NAPEPLD: variants seen among roughly 807,000 people sequenced by gnomAD.
NAPEPLD encodes the protein N-acyl-phosphatidylethanolamine-hydrolyzing phospholipase D.
In NAPEPLD, 23 loss-of-function variants were observed where a neutral mutation model predicts 38.1. That is an observed-to-expected ratio of 0.60 (90% CI 0.43 to 0.86). The LOEUF is 0.86. Among genes scored for constraint, NAPEPLD ranks in the 40% least tolerant of loss-of-function variants. NAPEPLD has a pLI of 0.00. For missense variants in NAPEPLD, 411 were observed against 476.8 expected (o/e 0.86, Z 1.28); for synonymous variants, 147 against 162.0 (o/e 0.91, Z 0.71).
intron 4 of NAPEPLD, among the ~76,000 whole-genome samples, chr7:103,114,456 C>T (rs967604065): frequency 5.3e-5 from 8 of 152,186 alleles, no homozygotes; most frequent in Non-Finnish European, 1.2e-4. Flanking sequence ...CCTTACTTCT[C>T]CCTATTGCCC....
In NAPEPLD at chr7:103,102,882, C is replaced by T. The variant is rs1192978393; in HGVS notation, c.*547G>A. On this transcript the variant is annotated 3_prime_UTR_variant, in exon 5 of 5. Transcript: ENST00000465647. ...TGTTTTTATGCTTACCTAAATAAAC[C>T]ATATTTAATATTTGGCATATAAGCT... is the stretch of plus-strand genomic sequence containing the variant. The T allele has an allele frequency of 6.6e-6, 1 of 152,386 alleles. No individual in the cohort carries two copies. The highest frequency in any genetic ancestry group is 1.5e-5 in the Non-Finnish European group (1 of 67,978). 9.4% of individuals were successfully genotyped at this position (152,386 alleles called of 1,614,324 possible). A position where few individuals can be genotyped will look rare whatever the true frequency, so the allele number is the denominator to read the frequency against.
intron 1 of NAPEPLD, among the ~76,000 whole-genome samples, chr7:103,135,846 G>C (rs1809931317): frequency 6.6e-6 from 1 of 152,158 alleles, no homozygotes; most frequent in Admixed American, 6.5e-5. Context: ...ATTAACTAGA[G>C]ATGTTAGCTT....
At chr7:103,116,437 A>T (rs1308806999) in intron 3 of NAPEPLD, among the ~76,000 whole-genome samples, 2 of 152,214 alleles carry the variant, frequency 1.3e-5, no homozygotes, top group Non-Finnish European at 2.9e-5. Flanking sequence ...TAGATATTTT[A>T]CAGTCCTGGA....
chr7:103,134,363 G>A (rs1272436803), intron 1 of NAPEPLD, among the ~76,000 whole-genome samples: 1 of 152,132 alleles, frequency 6.6e-6, no homozygotes, highest in Non-Finnish European at 1.5e-5. Context: ...AAATACAAAT[G>A]TTCTAGCCAG....
At chr7:103,129,028 G>T (rs1161532532) in intron 1 of NAPEPLD, among the ~76,000 whole-genome samples, 1 of 152,168 alleles carries the variant, frequency 6.6e-6, no homozygotes, top group Non-Finnish European at 1.5e-5. Context: ...CACTTTGGAA[G>T]GCCGAGGCAG....
At chr7:103,141,590 C>A in intron 1 of NAPEPLD, 1 of 976,856 alleles carries the variant, frequency 1.0e-6, no homozygotes, top group Non-Finnish European at 1.7e-6. Flanking sequence ...ATACATGCGG[C>A]GATCAATCTT....
chr7:103,141,237 GTTGTTTTT>G (rs1390817703), intron 1 of NAPEPLD: 410 of 78,730 alleles, frequency 5.2e-3, no homozygotes, highest in South Asian at 0.02. Flanking sequence ...TACCTGTGGA[GTTGTTTTT>G]TTTTTTTTTT....
chr7:103,108,082 T>C (rs953460194), intron 4 of NAPEPLD, among the ~76,000 whole-genome samples: 1 of 150,868 alleles, frequency 6.6e-6, no homozygotes, highest in East Asian at 1.9e-4. Context: ...ACCAGATCTC[T>C]CAGCAGAAAC....
At chr7:103,106,741 C>A (rs1321956924) in intron 4 of NAPEPLD, among the ~76,000 whole-genome samples, 2 of 135,158 alleles carry the variant, frequency 1.5e-5, no homozygotes, top group South Asian at 2.5e-4. Context: ...AAAAAAAAGG[C>A]AGCACCCCAG....
Position 103,128,525 on chromosome 7 carries a change from C to G in NAPEPLD, c.252G>C (p.Leu84=), listed in dbSNP as rs770951366. 9 of 1,614,122 alleles carry G rather than the reference C, an allele frequency of 5.6e-6. No homozygotes were observed. In the African/African-American group the frequency reaches 1.1e-4, roughly 19 times the overall value. ...NPSIPNVLRW[L]IMEKDHSSVP... ...CACTGCTGTGATCTTTCTCCATTAT[C>G]AGCCATCTGAGAACATTTGGAATAG... Residue 84 remains leucine, a synonymous_variant, in exon 2 of 5, where the codon CTG becomes CTC. Coordinates refer to ENST00000465647, the MANE Select transcript of NAPEPLD (RefSeq NM_001122838.3).
In NAPEPLD at chr7:103,115,074, C is replaced by T; in HGVS notation, c.1042G>A (p.Ala348Thr). 1 of 1,613,186 alleles carries T rather than the reference C, an allele frequency of 6.2e-7. No individual in the cohort carries two copies. The highest frequency in any genetic ancestry group is 8.5e-7 in the Non-Finnish European group (1 of 1,179,666). Reference sequence around the variant, plus strand: ...ATCAAACTTACCTCATTTGCTAAGGCAAAAGTTCCCCAGTGAATTGCCATA... The same window carrying T: ...ATCAAACTTACCTCATTTGCTAAGGTAAAAGTTCCCCAGTGAATTGCCATA... ...KSMAIHWGTFALANEHYLEPP... is the reference protein window; with the variant it reads ...KSMAIHWGTFTLANEHYLEPP... Residue 348 changes from alanine (A) to threonine (T), a missense_variant, in exon 4 of 5, where the codon GCC becomes ACC. Physicochemically the swap from Ala to Thr is moderately conservative, Grantham distance 58. Coordinates refer to ENST00000465647, the MANE Select transcript of NAPEPLD (RefSeq NM_001122838.3).
intron 2 of NAPEPLD, among the ~76,000 whole-genome samples, chr7:103,126,092 A>G (rs1320831752): frequency 6.6e-6 from 1 of 151,992 alleles, no homozygotes; most frequent in African/African-American, 2.4e-5. Context: ...AGAGCCCGGG[A>G]GTTTGAGGCT....
intron 4 of NAPEPLD, among the ~76,000 whole-genome samples, chr7:103,109,443 A>T (rs569729324): frequency 2.6e-5 from 4 of 152,266 alleles, no homozygotes; most frequent in African/African-American, 9.6e-5. Flanking sequence ...ACTCAAAACC[A>T]CACAACTGCA....
chr7:103,108,713 A>G (rs1436497163), intron 4 of NAPEPLD, among the ~76,000 whole-genome samples: 1 of 152,210 alleles, frequency 6.6e-6, no homozygotes, highest in Non-Finnish European at 1.5e-5. Context: ...CTAACATCAT[A>G]ATGACAGGAT....
chr7:103,109,509 T>A (rs1305508932), intron 4 of NAPEPLD, among the ~76,000 whole-genome samples: 7 of 152,068 alleles, frequency 4.6e-5, no homozygotes, highest in Non-Finnish European at 8.8e-5. Context: ...TATGGGTAAA[T>A]AACAAAATTA....
chr7:103,120,701 C>CTTTTTTTTTTTTTTTTTTTT lies in NAPEPLD; in HGVS notation c.295-498_295-479dup, dbSNP rs869141133. 7.3e-5 allele frequency among the ~76,000 whole-genome samples: 6 copies of CTTTTTTTTTTTTTTTTTTTT among 82,504 alleles called. 1 individual carries two copies. The highest frequency in any genetic ancestry group is 4.3e-4 in the Admixed American group (2 of 4,684). 54.1% of individuals were successfully genotyped at this position (82,504 alleles called of 152,430 possible). Reference sequence around the variant, plus strand: ...CATGAATCATGAATCTGATATTTTTCTTTTTTTTTTTTTTTTTTTTTTTTT... The same window carrying CTTTTTTTTTTTTTTTTTTTT: ...CATGAATCATGAATCTGATATTTTTCTTTTTTTTTTTTTTTTTTTTTTTTTTTTTTTTTTTTTTTTTTTTT... On this transcript the variant is annotated intron_variant, in intron 2 of 4. Transcript: ENST00000465647.
At chr7:103,137,334 C>T (rs1443942998) in intron 1 of NAPEPLD, among the ~76,000 whole-genome samples, 1 of 152,094 alleles carries the variant, frequency 6.6e-6, no homozygotes, top group Admixed American at 6.5e-5. Context: ...AATACATAAA[C>T]ACTCTAGAAG....
intron 1 of NAPEPLD, among the ~76,000 whole-genome samples, chr7:103,135,128 G>A (rs1809764930): frequency 6.6e-6 from 1 of 152,166 alleles, no homozygotes; most frequent in African/African-American, 2.4e-5. Flanking sequence ...TACTAATTGA[G>A]TTCTTGTCCA....
intron 1 of NAPEPLD, among the ~76,000 whole-genome samples, chr7:103,146,153 A>AT (rs1278955206): frequency 6.6e-6 from 1 of 152,146 alleles, no homozygotes; most frequent in East Asian, 1.9e-4. Flanking sequence ...TTCAAAACTA[A>AT]TGACTGCTGT....
Sources: allele counts gnomAD v4.1 joint callset (sites outside exome capture counted in the v4.1 genomes callset), GRCh38; gene constraint gnomAD v4.1.1; transcripts MANE v1.5; gene names NCBI Gene and HGNC (gene_info 2026-07-23, HGNC 2026-07-21).